ITGB1: variants seen among roughly 807,000 people sequenced by gnomAD.
ITGB1 encodes integrin subunit beta 1.
Under a neutral mutation model 86.5 loss-of-function variants are expected in ITGB1, and 24 were observed. The observed-to-expected ratio is 0.28, with a 90% CI of 0.20 to 0.39. The LOEUF (loss-of-function observed/expected upper bound fraction) is 0.39, where lower values mean the gene tolerates loss of function less well. Among genes scored for constraint, ITGB1 ranks in the 10% least tolerant of loss-of-function variants. ITGB1 has a pLI of 1.00. For missense variants in ITGB1, 556 were observed against 946.9 expected (o/e 0.59, Z 5.42); for synonymous variants, 323 against 316.8 (o/e 1.02, Z -0.21).
chr10:32,906,265 C>G (rs1337218162), intron 15 of ITGB1, among the ~76,000 whole-genome samples: 1 of 152,080 alleles, frequency 6.6e-6, no homozygotes, highest in Non-Finnish European at 1.5e-5. Flanking sequence ...CTATCCAACC[C>G]TAAAATTTAC....
In ITGB1 at chr10:32,919,861, ACTGT is replaced by A; in HGVS notation, c.1469+20_1469+23del. 1 of 1,604,988 alleles carries A rather than the reference ACTGT, an allele frequency of 6.2e-7. No homozygotes were observed. Among genetic ancestry groups the A allele is most frequent in the Non-Finnish European group, 8.5e-7 (1 of 1,171,814 alleles). On this transcript the variant is annotated intron_variant, in intron 11 of 15. Transcript: ENST00000302278. ...CTCTCTAAACCAATGTAGCTCTGTC[ACTGT>A]CTGACAACACCCAGCTTACCTGCAC...
chr10:32,929,972 G>A lies in ITGB1; in HGVS notation c.226C>T (p.Pro76Ser), dbSNP rs2094977866. 8.1e-7 allele frequency: 1 copy of A among 1,236,108 alleles called. No individual in the cohort carries two copies. The highest frequency in any genetic ancestry group is 1.5e-5 in the African/African-American group (1 of 67,722). 76.6% of individuals were successfully genotyped at this position (1,236,108 alleles called of 1,614,324 possible). Reference sequence around the variant, plus strand: ...CTGGGATTTTCTATGTCATCTGGAGGGCAACCCTTCTTTTTTAAGGCTTCT... The same window carrying A: ...CTGGGATTTTCTATGTCATCTGGAGAGCAACCCTTCTTTTTTAAGGCTTCT... ...DLEALKKKGCPPDDIENPRGS... is the reference protein window; with the variant it reads ...DLEALKKKGCSPDDIENPRGS... The change falls in exon 4 of 16, where the codon CCT becomes TCT. Residue 76 changes from proline (P) to serine (S), a missense_variant. Coordinates refer to ENST00000302278, the MANE Select transcript of ITGB1 (RefSeq NM_002211.4).
At chr10:32,948,459 C>T (rs904175815) in intron 1 of ITGB1, among the ~76,000 whole-genome samples, 19 of 152,104 alleles carry the variant, frequency 1.2e-4, no homozygotes, top group Admixed American at 9.2e-4. Flanking sequence ...GAATAACATA[C>T]CTAATACAAA....
intron 1 of ITGB1, among the ~76,000 whole-genome samples, chr10:32,939,039 C>G (rs750404872): frequency 6.6e-6 from 1 of 152,186 alleles, no homozygotes; most frequent in Non-Finnish European, 1.5e-5. Context: ...TGCCCAAGTC[C>G]TACGCCACAA....
intron 7 of ITGB1, 146 bp from the exon 8 acceptor site, chr10:32,922,881 T>C (rs1486515311): frequency 7.3e-6 from 4 of 546,812 alleles, no homozygotes; most frequent in Non-Finnish European, 9.8e-6. Context: ...AATCCATATA[T>C]AGCTAGATTA....
chr10:32,946,889 G>A (rs2095032590), intron 1 of ITGB1, among the ~76,000 whole-genome samples: 1 of 150,778 alleles, frequency 6.6e-6, no homozygotes, highest in Non-Finnish European at 1.5e-5. Context: ...TGATCACCCA[G>A]GCTGGAGTGC....
chr10:32,955,884 C>T (rs1377506868), intron 1 of ITGB1, among the ~76,000 whole-genome samples: 1 of 152,194 alleles, frequency 6.6e-6, no homozygotes, highest in Non-Finnish European at 1.5e-5. Flanking sequence ...TAAAAAATAA[C>T]TTTAATATAG....
At chr10:32,927,155 C>T (rs1403347667) in intron 5 of ITGB1, among the ~76,000 whole-genome samples, 1 of 152,120 alleles carries the variant, frequency 6.6e-6, no homozygotes, top group Non-Finnish European at 1.5e-5. Context: ...ATGCCATGGT[C>T]CTTGAATTAT....
Position 32,921,815 on chromosome 10 carries a change from T to C in ITGB1, c.1128+442A>G, listed in dbSNP as rs917725204. Among the ~76,000 whole-genome samples, 7 of 151,404 alleles carry C rather than the reference T, an allele frequency of 4.6e-5. No individual in the cohort carries two copies. The East Asian group carries it at 9.7e-4, about 21-fold the overall frequency. ...ATATATGAGTGTGTACCTCCTGAAA[T>C]AGAAACCCATATCCTCTGAATATAT... On this transcript the variant is annotated intron_variant, in intron 9 of 15. Transcript: ENST00000302278.
intron 5 of ITGB1, among the ~76,000 whole-genome samples, chr10:32,927,711 T>C (rs2094969745): frequency 1.3e-5 from 2 of 152,098 alleles, no homozygotes; most frequent in African/African-American, 2.4e-5. Flanking sequence ...GGAAAATCAC[T>C]TGAACCCGGG....
intron 11 of ITGB1, among the ~76,000 whole-genome samples, chr10:32,916,211 A>G (rs1388787600): frequency 6.6e-6 from 1 of 152,230 alleles, no homozygotes; most frequent in African/African-American, 2.4e-5. Context: ...ATCATACTGA[A>G]TGGGCAAAAA....
chr10:32,915,078 C>T (rs879272864), intron 11 of ITGB1, among the ~76,000 whole-genome samples: 1 of 152,118 alleles, frequency 6.6e-6, no homozygotes, highest in Non-Finnish European at 1.5e-5. Flanking sequence ...GGATACATAA[C>T]AAAATGAAGG....
chr10:32,948,570 G>A (rs1387082494), intron 1 of ITGB1, among the ~76,000 whole-genome samples: 1 of 152,106 alleles, frequency 6.6e-6, no homozygotes, highest in Non-Finnish European at 1.5e-5. Flanking sequence ...GATGAGAGGT[G>A]GGACTTTTAA....
At chr10:32,953,605 C>A (rs2095046825) in intron 1 of ITGB1, 1 of 151,804 alleles carries the variant, frequency 6.6e-6, no homozygotes, top group East Asian at 1.9e-4. Context: ...CAGGCAGCAG[C>A]TATCCTCCAA....
intron 7 of ITGB1, among the ~76,000 whole-genome samples, chr10:32,922,948 A>G (rs2094954659): frequency 6.6e-6 from 1 of 152,182 alleles, no homozygotes; most frequent in South Asian, 2.1e-4. Flanking sequence ...AACAGTATCA[A>G]ATATAAACTG....
intron 1 of ITGB1, among the ~76,000 whole-genome samples, chr10:32,943,403 A>G (rs1401823968): frequency 2.8e-5 from 4 of 141,320 alleles, no homozygotes; most frequent in Non-Finnish European, 6.0e-5. Flanking sequence ...CTCTGAGAAT[A>G]CCTCCCATGG....
At position 32,923,525 on chromosome 10, in the gene ITGB1, A is replaced by G. The variant is rs2094956111; in HGVS notation, c.942+60T>C. 2.1e-6 allele frequency: 3 copies of G among 1,433,396 alleles called. No homozygotes were observed. The East Asian group carries it at 7.1e-5, about 34-fold the overall frequency. The allele number at this position is 1,433,396 out of a possible 1,614,324, so 88.8% of individuals were successfully genotyped here. A position where few individuals can be genotyped will look rare whatever the true frequency, so the allele number is the denominator to read the frequency against. On this transcript the variant is annotated intron_variant, in intron 7 of 15. Coordinates refer to ENST00000302278, the MANE Select transcript of ITGB1 (RefSeq NM_002211.4). ...CCAAGCCAGTCACCCACAAGCTCTT[A>G]GTATTAAACATTAAAATCCAACATA... is the stretch of plus-strand genomic sequence containing the variant.
Position 32,923,600 on chromosome 10 carries a change from T to G in ITGB1, c.927A>C (p.Thr309=), listed in dbSNP as rs2094956349. 1.2e-6 allele frequency: 2 copies of G among 1,613,330 alleles called. No homozygotes were observed. The highest frequency in any genetic ancestry group is 1.7e-6 in the Non-Finnish European group (2 of 1,179,594). The stretch of plus-strand genomic sequence containing the variant: ...AGGCACTTACATAATAATGGCTCAT[T>G]GTGTACATATTATTTTCCAGGTGAC... ...GQCHLENNMY[T]MSHYYDYPSI... is the part of the protein sequence containing the mutation. The change falls in exon 7 of 16, where the codon ACA becomes ACC. Residue 309 remains threonine, a synonymous_variant. Transcript: ENST00000302278.
chr10:32,927,878 T>G (rs571605367), intron 5 of ITGB1, among the ~76,000 whole-genome samples: 1 of 152,288 alleles, frequency 6.6e-6, no homozygotes, highest in Admixed American at 6.5e-5. Context: ...GTACAATCTG[T>G]GTCAAACAGT....
Sources: gnomAD v4.1 joint callset for allele counts (sites outside exome capture counted in the v4.1 genomes callset) on GRCh38, gnomAD v4.1.1 for gene constraint, MANE v1.5 for transcripts, NCBI Gene and HGNC (gene_info 2026-07-23, HGNC 2026-07-21) for gene names.